CCDC171: variants seen among roughly 807,000 people sequenced by gnomAD.
CCDC171 encodes the protein coiled-coil domain containing 171, also known as coiled-coil domain-containing protein 171.
A neutral mutation model predicts 168.2 loss-of-function variants in CCDC171; 177 were observed. The ratio of observed to expected loss-of-function variants is 1.05; its 90% confidence interval spans 0.93 to 1.19. The LOEUF (loss-of-function observed/expected upper bound fraction) is 1.19, where lower values mean the gene tolerates loss of function less well. Among genes scored for constraint, CCDC171 ranks in the 50% most tolerant of loss-of-function variants. The probability of loss-of-function intolerance (pLI) is 0.00; values close to 1 mark genes in which losing one functional copy is unlikely to be tolerated. For synonymous variants in CCDC171, 687 were observed against 540.8 expected, an observed-to-expected ratio of 1.27 and a Z score of -3.75; for missense variants, 1,991 against 1,539.0, an observed-to-expected ratio of 1.29 and a Z score of -4.91.
At chr9:15,674,908 A>G (rs1184703780) in intron 9 of CCDC171, among the ~76,000 whole-genome samples, 4 of 152,034 alleles carry the variant, frequency 2.6e-5, no homozygotes, top group Non-Finnish European at 5.9e-5. Context: ...CAAGTCCTGG[A>G]TATCCTTGTT....
chr9:15,787,517 T>C (rs1226502590), intron 21 of CCDC171, among the ~76,000 whole-genome samples: 5 of 152,106 alleles, frequency 3.3e-5, no homozygotes, highest in African/African-American at 1.2e-4. Context: ...CTTTCCCTCC[T>C]CTTCTTCCTT....
At chr9:15,932,450 A>G (rs1316135168) in intron 25 of CCDC171, among the ~76,000 whole-genome samples, 1 of 151,782 alleles carries the variant, frequency 6.6e-6, no homozygotes, top group Non-Finnish European at 1.5e-5. Flanking sequence ...GATTTCTTAT[A>G]TTGATATTAT....
At chr9:15,854,217 A>C (rs532077691) in intron 23 of CCDC171, among the ~76,000 whole-genome samples, 15 of 150,820 alleles carry the variant, frequency 9.9e-5, no homozygotes, top group Non-Finnish European at 1.9e-4. Context: ...CATCAGTGAA[A>C]CTTTCTGGGC....
chr9:16,105,236 G>C, the CCDC171 span, among the ~76,000 whole-genome samples: 1 of 152,202 alleles, frequency 6.6e-6, no homozygotes, highest in Non-Finnish European at 1.5e-5. Context: ...GGCCTTGTTA[G>C]AGGATAGAAG....
At chr9:15,599,941 G>T (rs937960175) in intron 6 of CCDC171, among the ~76,000 whole-genome samples, 1 of 151,778 alleles carries the variant, frequency 6.6e-6, no homozygotes, top group Non-Finnish European at 1.5e-5. Context: ...TGATCGAATC[G>T]GCTACTGAAG....
intron 7 of CCDC171, 83 bp downstream of exon 7, chr9:15,623,496 C>CAG: frequency 1.5e-6 from 1 of 666,284 alleles, no homozygotes; most frequent in East Asian, 3.2e-5. Context: ...CACACACACA[C>CAG]ACACACACAC....
rs560432240 is a variant in CCDC171, at chr9:15,949,049, A to G, written c.3754-22560A>G. ...TTCAGCTTTCTACATATGGCTAGCC[A>G]GTTTTCCCAGCACCATTTATTAAAT... is the stretch of plus-strand genomic sequence containing the variant. On this transcript the variant is annotated intron_variant, in intron 25 of 25. Transcript: ENST00000380701. Among the ~76,000 whole-genome samples, 8 of 152,272 alleles carry G rather than the reference A, an allele frequency of 5.3e-5. No homozygotes were observed. The South Asian group carries it at 1.7e-3, about 32-fold the overall frequency.
intron 18 of CCDC171, among the ~76,000 whole-genome samples, chr9:15,763,555 A>G (rs1407637070): frequency 2.0e-5 from 3 of 152,174 alleles, no homozygotes; most frequent in Admixed American, 2.0e-4. Context: ...ACGAATACAA[A>G]AAACACTCTA....
intron 5 of CCDC171, among the ~76,000 whole-genome samples, chr9:15,592,547 C>A (rs926431773): frequency 1.3e-5 from 2 of 152,118 alleles, no homozygotes; most frequent in African/African-American, 2.4e-5. Flanking sequence ...TTGATTTCTT[C>A]CACATCAGTA....
At chr9:15,558,892 A>G (rs577102773) in intron 1 of CCDC171, among the ~76,000 whole-genome samples, 88 of 152,272 alleles carry the variant, frequency 5.8e-4, no homozygotes, top group African/African-American at 1.9e-3. Flanking sequence ...TTCCCTCTAC[A>G]CACTGCTTTG....
intron 12 of CCDC171, among the ~76,000 whole-genome samples, chr9:15,723,413 TGTG>T (rs1286469542): frequency 6.6e-6 from 1 of 152,186 alleles, no homozygotes; most frequent in Non-Finnish European, 1.5e-5. Context: ...TATCTGGACG[TGTG>T]GTAAAAATAT....
the CCDC171 span, among the ~76,000 whole-genome samples, chr9:16,095,869 CATATATATATAT>C: frequency 0.02 from 2,418 of 123,838 alleles, 89 homozygotes; most frequent in African/African-American, 0.065. Flanking sequence ...CACATAGGCA[CATATATATATAT>C]ATATATATAT....
chr9:15,586,732 G>A (rs1235547634), intron 4 of CCDC171, among the ~76,000 whole-genome samples: 1 of 152,144 alleles, frequency 6.6e-6, no homozygotes, highest in East Asian at 1.9e-4. Context: ...TCTTTTGACT[G>A]GCAAAACCAG....
chr9:16,029,967 C>T (rs2133038741), intron 6 of CCDC171, among the ~76,000 whole-genome samples: 1 of 152,194 alleles, frequency 6.6e-6, no homozygotes, highest in East Asian at 1.9e-4. Context: ...AAGATCAAAG[C>T]TGTCAGATTT....
rs1394353474 is a variant in CCDC171, at chr9:16,004,539, CTT to C, written n.369-16047_369-16046del. Among the ~76,000 whole-genome samples the C allele has an allele frequency of 2.0e-5, 3 of 152,116 alleles. No individual in the cohort carries two copies. In the East Asian group the frequency reaches 5.8e-4, roughly 29 times the overall value. On this transcript the variant is annotated intron_variant and non_coding_transcript_variant, in intron 3 of 9. Coordinates refer to the CCDC171 transcript ENST00000486641. Reference sequence around the variant, plus strand: ...CATTGATTTTGTGCTGCTTGGTTCTCTTTTGTTTTAACTGTGAATGCCCTTGG... The same window carrying C: ...CATTGATTTTGTGCTGCTTGGTTCTCTTGTTTTAACTGTGAATGCCCTTGG...
chr9:16,071,625 C>T, the CCDC171 span, among the ~76,000 whole-genome samples: 2 of 152,320 alleles, frequency 1.3e-5, no homozygotes, highest in Admixed American at 1.3e-4. Flanking sequence ...TTGGTATGTC[C>T]CTCCTGCTCC....
chr9:15,644,078 C>G (rs1273361022), intron 7 of CCDC171, among the ~76,000 whole-genome samples: 2 of 152,086 alleles, frequency 1.3e-5, no homozygotes, highest in African/African-American at 4.8e-5. Flanking sequence ...TTCTCTTGGG[C>G]AAATATATAG....
chr9:15,616,137 A>G (rs2044066682), intron 6 of CCDC171, among the ~76,000 whole-genome samples: 1 of 152,142 alleles, frequency 6.6e-6, no homozygotes, highest in African/African-American at 2.4e-5. Context: ...CTTTTAGTAG[A>G]GACAAGTTTC....
chr9:15,796,287 G>A (rs1290821395), intron 21 of CCDC171, among the ~76,000 whole-genome samples: 1 of 152,032 alleles, frequency 6.6e-6, no homozygotes, highest in Non-Finnish European at 1.5e-5. Flanking sequence ...AACACATAAT[G>A]CTCTCCAGGG....
Sources: gnomAD v4.1 joint callset for allele counts (sites outside exome capture counted in the v4.1 genomes callset) on GRCh38, gnomAD v4.1.1 for gene constraint, MANE v1.5 for transcripts, NCBI Gene and HGNC (gene_info 2026-07-23, HGNC 2026-07-21) for gene names.